Variants in VPS35L observed in about 807,000 individuals in gnomAD.
VPS35L encodes the protein VPS35 endosomal protein-sorting factor-like.
Under a neutral mutation model 133.0 loss-of-function variants are expected in VPS35L, and 83 were observed. The ratio of observed to expected loss-of-function variants is 0.62; its 90% CI spans 0.52 to 0.75. The LOEUF (loss-of-function observed/expected upper bound fraction) is 0.75. Among genes scored for constraint, VPS35L ranks in the 30% least tolerant of loss-of-function variants. The probability of loss-of-function intolerance (pLI) is 0.00; values close to 1 mark genes in which losing one functional copy is unlikely to be tolerated. For missense variants in VPS35L, 1,083 were observed against 1,206.8 expected (o/e 0.90, Z 1.52); for synonymous variants, 423 against 449.9 (o/e 0.94, Z 0.76).
intron 7 of VPS35L, among the ~76,000 whole-genome samples, chr16:19,584,171 G>T (rs574740017): frequency 1.3e-5 from 2 of 152,302 alleles, no homozygotes; most frequent in African/African-American, 2.4e-5. Flanking sequence ...ACATGGTACT[G>T]CTGGTATTTC....
intron 14 of VPS35L, among the ~76,000 whole-genome samples, chr16:19,622,024 C>T (rs1242459586): frequency 6.6e-6 from 1 of 151,590 alleles, no homozygotes; most frequent in East Asian, 1.9e-4. Flanking sequence ...GTAAACCTCA[C>T]GAAGGCATGG....
intron 28 of VPS35L, among the ~76,000 whole-genome samples, chr16:19,684,693 A>G (rs1975396315): frequency 6.6e-6 from 1 of 152,212 alleles, no homozygotes; most frequent in African/African-American, 2.4e-5. Flanking sequence ...GGCTTCCGGT[A>G]GTTAGTGATG....
rs1474113231 is a variant in VPS35L at position 19,573,473 on chromosome 16, C to T, written c.408+232C>T. 1.5e-5 allele frequency: 6 copies of T among 393,760 alleles called. No individual in the cohort carries two copies. The Admixed American group carries it at 2.1e-4, about 14-fold the overall frequency. The allele number at this position is 393,760 out of a possible 1,614,324, so 24.4% of individuals were successfully genotyped here. A position where few individuals can be genotyped will look rare whatever the true frequency, so the allele number is the denominator to read the frequency against. The stretch of plus-strand genomic sequence containing the variant: ...TAAGGATCAGGGATGTGGCACAGGC[C>T]AGAGAAAGAATTAGAACAGCAGAGT... On this transcript the variant is annotated intron_variant, in intron 4 of 30. Coordinates refer to ENST00000417362, the MANE Select transcript of VPS35L (RefSeq NM_020314.7).
chr16:19,635,301 T>G (rs1164413101), intron 19 of VPS35L, among the ~76,000 whole-genome samples: 1 of 152,072 alleles, frequency 6.6e-6, no homozygotes, highest in African/African-American at 2.4e-5. Flanking sequence ...TGAGCTATGA[T>G]AGCACCACTG....
intron 9 of VPS35L, among the ~76,000 whole-genome samples, chr16:19,605,504 T>C (rs1281678466): frequency 6.6e-6 from 1 of 152,230 alleles, no homozygotes; most frequent in African/African-American, 2.4e-5. Flanking sequence ...AACTGGCTTG[T>C]CATGCTGGCT....
intron 26 of VPS35L, among the ~76,000 whole-genome samples, 173 bp from the exon 27 acceptor site, chr16:19,668,987 C>T (rs914712981): frequency 5.3e-5 from 8 of 152,220 alleles, no homozygotes; most frequent in Admixed American, 5.2e-4. Context: ...CCCTGTCAAG[C>T]AAATATTCCT....
At chr16:19,697,198 C>T (rs562158591) in intron 29 of VPS35L, among the ~76,000 whole-genome samples, 27 of 152,314 alleles carry the variant, frequency 1.8e-4, no homozygotes, top group Admixed American at 7.2e-4. Context: ...GGCTCTTTGC[C>T]GTCGGCTCTG....
intron 9 of VPS35L, among the ~76,000 whole-genome samples, chr16:19,602,485 C>A (rs1401721840): frequency 6.6e-6 from 1 of 152,026 alleles, no homozygotes; most frequent in African/African-American, 2.4e-5. Context: ...TTCCTTCTTT[C>A]CTCTTTCCTT....
chr16:19,587,291 T>G (rs1971897427), intron 7 of VPS35L: 3 of 448,694 alleles, frequency 6.7e-6, no homozygotes, highest in African/African-American at 2.0e-5. Flanking sequence ...CAAACCATGT[T>G]AACTATGTTT....
intron 28 of VPS35L, among the ~76,000 whole-genome samples, chr16:19,685,998 G>A (rs1199721281): frequency 6.6e-6 from 1 of 152,180 alleles, no homozygotes; most frequent in Non-Finnish European, 1.5e-5. Flanking sequence ...GAGCCAGATT[G>A]GCAGCAGAGG....
chr16:19,602,945 T>C (rs1362996068), intron 9 of VPS35L, among the ~76,000 whole-genome samples: 1 of 151,530 alleles, frequency 6.6e-6, no homozygotes, highest in Non-Finnish European at 1.5e-5. Context: ...TTTTCATCTT[T>C]GTAGACACGG....
intron 30 of VPS35L, 72 bp from the exon 31 acceptor site, chr16:19,700,306 C>G (rs1033052707): frequency 7.5e-7 from 1 of 1,336,688 alleles, no homozygotes; most frequent in African/African-American, 1.4e-5. Flanking sequence ...CACATAATGG[C>G]TGATTCATTA....
At chr16:19,644,669 C>T (rs966267510) in intron 22 of VPS35L, among the ~76,000 whole-genome samples, 2 of 152,092 alleles carry the variant, frequency 1.3e-5, no homozygotes, top group Non-Finnish European at 2.9e-5. Flanking sequence ...ATCTTGAGAA[C>T]AGCATATTTG....
At chr16:19,697,587 C>T (rs1174698766) in intron 29 of VPS35L, among the ~76,000 whole-genome samples, 1 of 151,900 alleles carries the variant, frequency 6.6e-6, no homozygotes. Context: ...CATAGCAGCT[C>T]GCAGGCGCCA....
chr16:19,603,584 T>C (rs1972453566), intron 9 of VPS35L, among the ~76,000 whole-genome samples: 1 of 152,152 alleles, frequency 6.6e-6, no homozygotes, highest in South Asian at 2.1e-4. Flanking sequence ...GTCACACCTG[T>C]GACGATGTTT....
chr16:19,628,733 A>G lies in VPS35L; in HGVS notation c.1480A>G (p.Thr494Ala). The change falls in exon 17 of 31, where the codon ACT becomes GCT. Residue 494 changes from threonine to alanine, a missense_variant. Transcript: ENST00000417362. Reference sequence around the variant, plus strand: ...TCTCAACGAAGCTTGGAAAGTCATCACTAAGCTGAAGAACCCACAGGTGAG... The same window carrying G: ...TCTCAACGAAGCTTGGAAAGTCATCGCTAAGCTGAAGAACCCACAGGTGAG... ...QILNEAWKVI[T>A]KLKNPQDYIN... The G allele has an allele frequency of 6.4e-7, 1 of 1,572,382 alleles. No individual in the cohort carries two copies. The highest frequency in any genetic ancestry group is 8.7e-7 in the Non-Finnish European group (1 of 1,150,748).
chr16:19,608,653 T>C (rs148814524), intron 10 of VPS35L: 153 of 399,618 alleles, frequency 3.8e-4, no homozygotes, highest in African/African-American at 2.8e-3. Context: ...ATTTGACTTA[T>C]ACATAAATTC....
chr16:19,617,125 G>A (rs949351374), intron 14 of VPS35L: 2 of 570,806 alleles, frequency 3.5e-6, no homozygotes, highest in African/African-American at 3.8e-5. Context: ...CAAGGCCAAG[G>A]TGGGAGGATC....
At chr16:19,566,932 A>G (rs1051447581) in intron 2 of VPS35L, among the ~76,000 whole-genome samples, 1 of 151,996 alleles carries the variant, frequency 6.6e-6, no homozygotes, top group East Asian at 1.9e-4. Flanking sequence ...TTGTCTTTTT[A>G]GTAGAGACAT....
Sources: gnomAD v4.1 joint callset for allele counts (sites outside exome capture counted in the v4.1 genomes callset) on GRCh38, gnomAD v4.1.1 for gene constraint, MANE v1.5 for transcripts, NCBI Gene and HGNC (gene_info 2026-07-23, HGNC 2026-07-21) for gene names.